IGSF21: variants seen among roughly 807,000 people sequenced by gnomAD.
IGSF21 encodes the protein immunoglobin superfamily member 21.
A neutral mutation model predicts 46.8 loss-of-function variants in IGSF21; 28 were observed. The observed-to-expected ratio is 0.60, with a 90% confidence interval of 0.44 to 0.82. The LOEUF is 0.82. Among genes scored for constraint, IGSF21 ranks in the 40% least tolerant of loss-of-function variants. The probability of loss-of-function intolerance (pLI) is 0.00; values close to 1 mark genes in which losing one functional copy is unlikely to be tolerated. For synonymous variants in IGSF21, 284 were observed against 273.6 expected (o/e 1.04, Z -0.38); for missense variants, 624 against 665.5 (o/e 0.94, Z 0.69).
chr1:18,200,142 C>T (rs2087056766), intron 1 of IGSF21, among the ~76,000 whole-genome samples: 2 of 152,212 alleles, frequency 1.3e-5, no homozygotes, highest in South Asian at 4.1e-4. Context: ...GCTCTTGCGT[C>T]TTCCCAACTG....
At chr1:18,262,798 T>C (rs138063039) in intron 2 of IGSF21, among the ~76,000 whole-genome samples, 2 of 152,286 alleles carry the variant, frequency 1.3e-5, no homozygotes, top group Admixed American at 6.5e-5. Flanking sequence ...AGAGGCAAGC[T>C]TTACTAGAGA....
chr1:18,183,303 C>A (rs929380726), intron 1 of IGSF21, among the ~76,000 whole-genome samples: 18 of 152,206 alleles, frequency 1.2e-4, no homozygotes, highest in Non-Finnish European at 5.9e-5. Context: ...GGTTTGGGGG[C>A]TCTTCCTTTC....
Position 18,365,949 on chromosome 1 carries a change from A to T in IGSF21, c.1015+252A>T, listed in dbSNP as rs1051044762. On this transcript the variant is annotated intron_variant, in intron 6 of 9. Coordinates refer to ENST00000251296, the MANE Select transcript of IGSF21 (RefSeq NM_032880.5). The surrounding 1 kb of genome is among the most constrained non-coding windows in gnomAD (Gnocchi z 4.8). ...AGCCAAGAACATGAGAGGTCAGAAG[A>T]GTTTGCTGGATAGGGTCAGGGACAC... Among the ~76,000 whole-genome samples the T allele has an allele frequency of 2.0e-5, 3 of 152,018 alleles. No homozygotes were observed. The highest frequency in any genetic ancestry group is 2.9e-5 in the Non-Finnish European group (2 of 68,006).
rs191173251 is a variant in IGSF21 at position 18,220,757 on chromosome 1, C to T, written c.71-7141C>T. 9.9e-5 allele frequency among the ~76,000 whole-genome samples: 15 copies of T among 152,174 alleles called. No homozygotes were observed. The East Asian group carries it at 2.7e-3, about 27-fold the overall frequency. On this transcript the variant is annotated intron_variant, in intron 1 of 9. Coordinates refer to ENST00000251296, the MANE Select transcript of IGSF21 (RefSeq NM_032880.5). ...CCTTGAAGGATGCCCAGGAAATATC[C>T]AAGTTACCCAAGTGAGGGAGAGGGC...
chr1:18,127,490 G>T (rs2086283458), intron 1 of IGSF21, among the ~76,000 whole-genome samples: 1 of 152,012 alleles, frequency 6.6e-6, no homozygotes, highest in African/African-American at 2.4e-5. Context: ...GTGGTATCAG[G>T]GCCACGTGGA....
intron 1 of IGSF21, among the ~76,000 whole-genome samples, chr1:18,125,998 A>T (rs1022582195): frequency 6.6e-6 from 1 of 152,190 alleles, no homozygotes; most frequent in Non-Finnish European, 1.5e-5. Flanking sequence ...GAGGCTTGCT[A>T]TCAGGGAGGA....
At chr1:18,336,093 A>G (rs949654930) in intron 4 of IGSF21, among the ~76,000 whole-genome samples, 2 of 152,152 alleles carry the variant, frequency 1.3e-5, no homozygotes, top group African/African-American at 4.8e-5. Flanking sequence ...TACTTAACCA[A>G]TCATTTATGC....
Position 18,235,695 on chromosome 1 carries a change from T to A in IGSF21, c.183+7685T>A, listed in dbSNP as rs192250962. 1.1e-4 allele frequency among the ~76,000 whole-genome samples: 17 copies of A among 152,306 alleles called. No individual in the cohort carries two copies. In the East Asian group the frequency reaches 3.1e-3, roughly 28 times the overall value. ...ACCGTTCATACCAGGCCCTGTGCTGTAAGAAACTGAATCTGGAGTTATTCT... is the reference window on the plus strand; with the variant it reads ...ACCGTTCATACCAGGCCCTGTGCTGAAAGAAACTGAATCTGGAGTTATTCT... On this transcript the variant is annotated intron_variant, in intron 2 of 9. Transcript: ENST00000251296.
chr1:18,229,138 T>C lies in IGSF21; in HGVS notation c.183+1128T>C, dbSNP rs150164252. 1.6e-3 allele frequency among the ~76,000 whole-genome samples: 246 copies of C among 152,352 alleles called. 1 individual carries two copies. The highest frequency in any genetic ancestry group is 3.1e-3 in the Non-Finnish European group (208 of 68,034). On this transcript the variant is annotated intron_variant, in intron 2 of 9. Coordinates refer to ENST00000251296, the MANE Select transcript of IGSF21 (RefSeq NM_032880.5). ...CTGATCAGAAACCACGCTTTCCTAA[T>C]CTTTGTTGCCCTTTCTTCAAATGAA...
intron 2 of IGSF21, among the ~76,000 whole-genome samples, chr1:18,287,171 A>C (rs1460818021): frequency 1.6e-5 from 2 of 125,284 alleles, no homozygotes; most frequent in African/African-American, 5.6e-5. Flanking sequence ...ACAGAGCGAG[A>C]CTCCGTCTCA....
intron 1 of IGSF21, among the ~76,000 whole-genome samples, chr1:18,215,130 C>T (rs1316262397): frequency 6.6e-6 from 1 of 152,220 alleles, no homozygotes; most frequent in East Asian, 1.9e-4. Context: ...ATCCAGTCAC[C>T]TCCCACCAGA....
Position 18,161,012 on chromosome 1 carries a change from T to C in IGSF21, c.70+52814T>C, listed in dbSNP as rs553343217. ...CATTATGGGTGCAGGGGACCAACTGTAGAGCTTTAGGCCTCTGTTCCTGCT... is the reference window on the plus strand; with the variant it reads ...CATTATGGGTGCAGGGGACCAACTGCAGAGCTTTAGGCCTCTGTTCCTGCT... On this transcript the variant is annotated intron_variant, in intron 1 of 9. Transcript: ENST00000251296. Among the ~76,000 whole-genome samples the C allele has an allele frequency of 8.7e-3, 1,330 of 152,254 alleles. 11 individuals carry two copies. The highest frequency in any genetic ancestry group is 0.013 in the Non-Finnish European group (911 of 68,004).
At chr1:18,328,338 T>A (rs1223900211) in intron 3 of IGSF21, among the ~76,000 whole-genome samples, 2 of 152,192 alleles carry the variant, frequency 1.3e-5, no homozygotes, top group African/African-American at 4.8e-5. Context: ...CATTTTGTAA[T>A]AAAGAGCTGA....
At chr1:18,129,910 A>G (rs1465841783) in intron 1 of IGSF21, among the ~76,000 whole-genome samples, 2 of 152,156 alleles carry the variant, frequency 1.3e-5, no homozygotes, top group Non-Finnish European at 2.9e-5. Flanking sequence ...ACATGGGATG[A>G]CACAGCAAGA....
At chr1:18,159,302 G>A (rs1009484909) in intron 1 of IGSF21, among the ~76,000 whole-genome samples, 1 of 152,220 alleles carries the variant, frequency 6.6e-6, no homozygotes, top group Non-Finnish European at 1.5e-5. Context: ...GGGAGCCATG[G>A]AGGACTCCGA....
At chr1:18,346,579 A>G (rs1364938453) in intron 4 of IGSF21, among the ~76,000 whole-genome samples, 1 of 152,122 alleles carries the variant, frequency 6.6e-6, no homozygotes, top group African/African-American at 2.4e-5. Flanking sequence ...ATGGGAACAG[A>G]TGTGGAGACA....
intron 1 of IGSF21, among the ~76,000 whole-genome samples, chr1:18,108,909 G>C (rs987418512): frequency 1.3e-5 from 2 of 151,606 alleles, no homozygotes; most frequent in Non-Finnish European, 2.9e-5. Context: ...GTGTGTGTAT[G>C]CGTGCCATGG....
intron 1 of IGSF21, among the ~76,000 whole-genome samples, chr1:18,193,496 G>A (rs2086977875): frequency 6.6e-6 from 1 of 152,196 alleles, no homozygotes; most frequent in South Asian, 2.1e-4. Flanking sequence ...GCCAGTCTGA[G>A]TTCCAAAACA....
intron 1 of IGSF21, among the ~76,000 whole-genome samples, chr1:18,216,164 C>T (rs1390977535): frequency 6.6e-6 from 1 of 152,014 alleles, no homozygotes; most frequent in Non-Finnish European, 1.5e-5. Flanking sequence ...TCACATTGAA[C>T]CTGGAAGGAT....
Sources: gnomAD v4.1 joint callset for allele counts (sites outside exome capture counted in the v4.1 genomes callset) on GRCh38, gnomAD v4.1.1 for gene constraint, Gnocchi (gnomAD v3.1) non-coding constraint, MANE v1.5 for transcripts, NCBI Gene and HGNC (gene_info 2026-07-23, HGNC 2026-07-21) for gene names.